The following PEX5L variants were observed in gnomAD, a reference collection of about 807,000 sequenced individuals.
The protein encoded by PEX5L is peroxisomal biogenesis factor 5 like, also known as PEX5-related protein.
PEX5L carries 30 observed loss-of-function variants against 84.0 expected under a neutral mutation model. The ratio of observed to expected loss-of-function variants is 0.36; its 90% confidence interval spans 0.27 to 0.48. The LOEUF (loss-of-function observed/expected upper bound fraction) is 0.48. Among genes scored for constraint, PEX5L ranks in the 20% least tolerant of loss-of-function variants. PEX5L has a pLI of 0.99. For synonymous variants in PEX5L, 270 were observed against 283.1 expected, an observed-to-expected ratio of 0.95 and a Z score of 0.46; for missense variants, 533 against 754.6, an observed-to-expected ratio of 0.71 and a Z score of 3.44.
At chr3:179,824,706 C>CAAAAAAAAAAAAAAAAAAAAAAAAAAA (rs11296415) in intron 8 of PEX5L, among the ~76,000 whole-genome samples, 1 of 70,512 alleles carries the variant, frequency 1.4e-5, no homozygotes. Flanking sequence ...AACTCCATCT[C>CAAAAAAAAAAAAAAAAAAAAAAAAAAA]AAAAAAAAAA....
At chr3:180,005,943 A>AT in intron 1 of PEX5L, among the ~76,000 whole-genome samples, 1 of 152,298 alleles carries the variant, frequency 6.6e-6, no homozygotes, top group South Asian at 2.1e-4. Context: ...CAAATGTGAT[A>AT]TATCATTATT....
At chr3:179,868,041 TC>T (rs71182523) in intron 7 of PEX5L, among the ~76,000 whole-genome samples, 4,819 of 65,876 alleles carry the variant, frequency 0.073, 128 homozygotes, top group Non-Finnish European at 0.13. Flanking sequence ...TTCTTCTTCT[TC>T]TTTTTTTTTT....
At chr3:179,809,422 T>C (rs773786803) in intron 12 of PEX5L, 49 bp downstream of exon 12, 2 of 1,393,202 alleles carry the variant, frequency 1.4e-6, no homozygotes, top group East Asian at 4.6e-5. Context: ...AGGTGATTCA[T>C]TGTATATATG....
intron 8 of PEX5L, among the ~76,000 whole-genome samples, chr3:179,845,338 T>A (rs943113539): frequency 1.3e-5 from 2 of 152,228 alleles, no homozygotes; most frequent in African/African-American, 4.8e-5. Flanking sequence ...GGAAATCACA[T>A]ACATATCCAA....
chr3:180,030,247 T>A (rs1791330814), intron 1 of PEX5L, among the ~76,000 whole-genome samples: 1 of 152,170 alleles, frequency 6.6e-6, no homozygotes, highest in Non-Finnish European at 1.5e-5. Context: ...CCACAAGGCA[T>A]AATGTCTTGG....
At chr3:179,847,438 A>T (rs1399313310) in intron 8 of PEX5L, among the ~76,000 whole-genome samples, 1 of 152,118 alleles carries the variant, frequency 6.6e-6, no homozygotes, top group Non-Finnish European at 1.5e-5. Flanking sequence ...ATGGAAAAGG[A>T]TTATTCTCTT....
chr3:180,030,868 A>G (rs1791390729), intron 1 of PEX5L, among the ~76,000 whole-genome samples: 1 of 149,968 alleles, frequency 6.7e-6, no homozygotes, highest in Non-Finnish European at 1.5e-5. Context: ...AATTCTAACT[A>G]TTTCACTTGG....
chr3:180,022,780 G>A (rs1235469073), intron 1 of PEX5L, among the ~76,000 whole-genome samples: 1 of 152,136 alleles, frequency 6.6e-6, no homozygotes, highest in Non-Finnish European at 1.5e-5. Flanking sequence ...ATTCTAGAGG[G>A]GATTTCTGCA....
intron 8 of PEX5L, among the ~76,000 whole-genome samples, chr3:179,834,838 G>A (rs1169376000): frequency 6.6e-6 from 1 of 152,178 alleles, no homozygotes; most frequent in Non-Finnish European, 1.5e-5. Context: ...CTAACACCCA[G>A]AATTTATAAA....
At chr3:179,998,356 G>T (rs1788088162) in intron 1 of PEX5L, among the ~76,000 whole-genome samples, 1 of 152,174 alleles carries the variant, frequency 6.6e-6, no homozygotes, top group Non-Finnish European at 1.5e-5. Flanking sequence ...ACAGGAAAAG[G>T]CTTTGCAACA....
rs146645204 is a variant in PEX5L, at chr3:179,984,125, T to C, written c.22-12460A>G. 9.0e-4 allele frequency among the ~76,000 whole-genome samples: 137 copies of C among 152,258 alleles called. 1 individual carries two copies. Among genetic ancestry groups the C allele is most frequent in the Admixed American group, 3.0e-3 (46 of 15,300 alleles). ...AAATTACATTTCTCAAGTTTTGGTGTAGTATGAAAGAATATCCACAGTTAT... is the reference window on the plus strand; with the variant it reads ...AAATTACATTTCTCAAGTTTTGGTGCAGTATGAAAGAATATCCACAGTTAT... On this transcript the variant is annotated intron_variant, in intron 1 of 14. Coordinates refer to ENST00000467460, the MANE Select transcript of PEX5L (RefSeq NM_016559.3).
chr3:179,938,186 G>A (rs1775120778), intron 2 of PEX5L, among the ~76,000 whole-genome samples: 1 of 152,142 alleles, frequency 6.6e-6, no homozygotes, highest in Non-Finnish European at 1.5e-5. Context: ...TTCTCAAATG[G>A]AGATTCATAG....
intron 3 of PEX5L, among the ~76,000 whole-genome samples, chr3:179,896,579 A>G (rs1322036494): frequency 6.6e-6 from 1 of 152,138 alleles, no homozygotes; most frequent in African/African-American, 2.4e-5. Context: ...GGACATGTGA[A>G]AAGATTATCA....
At chr3:179,916,220 G>A (rs1384476217) in intron 2 of PEX5L, among the ~76,000 whole-genome samples, 1 of 152,120 alleles carries the variant, frequency 6.6e-6, no homozygotes, top group Non-Finnish European at 1.5e-5. Flanking sequence ...TTGTCGTGTG[G>A]ACACTATAGA....
intron 8 of PEX5L, among the ~76,000 whole-genome samples, chr3:179,841,135 C>T (rs1308401782): frequency 1.3e-5 from 2 of 152,134 alleles, no homozygotes; most frequent in East Asian, 3.8e-4. Context: ...CATTGCTTGG[C>T]ACAGAGCCCA....
At chr3:179,935,876 A>G (rs1774438891) in intron 2 of PEX5L, among the ~76,000 whole-genome samples, 1 of 152,186 alleles carries the variant, frequency 6.6e-6, no homozygotes, top group African/African-American at 2.4e-5. Flanking sequence ...GTTGCTATAA[A>G]GTGAAGTTCC....
At chr3:179,885,059 T>C (rs561374651) in intron 4 of PEX5L, among the ~76,000 whole-genome samples, 2 of 152,284 alleles carry the variant, frequency 1.3e-5, no homozygotes, top group East Asian at 3.9e-4. Flanking sequence ...ATACGCTTAA[T>C]ATTAAAAACA....
At chr3:179,950,940 T>A (rs941415860) in intron 2 of PEX5L, among the ~76,000 whole-genome samples, 31 of 152,304 alleles carry the variant, frequency 2.0e-4, no homozygotes, top group Admixed American at 5.9e-4. Flanking sequence ...TGGTGCCCAA[T>A]GGCAAAGGGT....
chr3:179,858,035 C>T (rs1380602495), intron 8 of PEX5L, among the ~76,000 whole-genome samples: 1 of 152,050 alleles, frequency 6.6e-6, no homozygotes, highest in Non-Finnish European at 1.5e-5. Context: ...GGAAGTCTTT[C>T]CCAGAATTGA....
Sources: allele counts gnomAD v4.1 joint callset (sites outside exome capture counted in the v4.1 genomes callset), GRCh38; gene constraint gnomAD v4.1.1; transcripts MANE v1.5; gene names NCBI Gene and HGNC (gene_info 2026-07-23, HGNC 2026-07-21).